MTX3: variants seen among roughly 807,000 people sequenced by gnomAD.
The protein encoded by MTX3 is metaxin-3.
In MTX3, 27 loss-of-function variants were observed where a neutral mutation model predicts 42.5. That is an observed-to-expected ratio of 0.64 (90% CI 0.47 to 0.88). The LOEUF is 0.88. MTX3 is among the 40% of genes least tolerant of loss of function. MTX3 has a pLI of 0.00. For synonymous variants in MTX3, 144 were observed against 132.9 expected (o/e 1.08, Z -0.57); for missense variants, 378 against 367.0 (o/e 1.03, Z -0.25).
rs1195200362 is a variant in MTX3, at chr5:79,977,755, T to C, written c.*5929A>G. The C allele has an allele frequency of 6.6e-6, 1 of 152,240 alleles. No individual in the cohort carries two copies. Among genetic ancestry groups the C allele is most frequent in the Non-Finnish European group, 1.5e-5 (1 of 68,042 alleles). 9.4% of individuals were successfully genotyped at this position (152,240 alleles called of 1,614,324 possible). A position where few individuals can be genotyped will look rare whatever the true frequency, so the allele number is the denominator to read the frequency against. ...ATGAACCGTAGACTGTCTTCGGTAA[T>C]GAACAAAACTGGAAAATATTAAACT... On this transcript the variant is annotated 3_prime_UTR_variant, in exon 9 of 9. Transcript: ENST00000512528.
rs1425084641 is a variant in MTX3, at chr5:79,977,097, C to T, written c.*6587G>A. ...CAGAACAGTAACATGACATTACAAA[C>T]ACCTCAAATTCCCACTTCAAAATGA... On this transcript the variant is annotated 3_prime_UTR_variant, in exon 9 of 9. Coordinates refer to ENST00000512528, the MANE Select transcript of MTX3 (RefSeq NM_001363818.2). 3.9e-5 allele frequency: 6 copies of T among 152,184 alleles called. No homozygotes were observed. Among genetic ancestry groups the T allele is most frequent in the African/African-American group, 1.2e-4 (5 of 41,444 alleles). 9.4% of individuals were successfully genotyped at this position (152,184 alleles called of 1,614,324 possible).
At chr5:79,991,009 T>G in intron 1 of MTX3, 149 bp downstream of exon 1, 1 of 869,140 alleles carries the variant, frequency 1.2e-6, no homozygotes, top group Non-Finnish European at 1.9e-6. Context: ...AGGTTGGGAC[T>G]CGTCGGTGGG....
At position 79,991,253 on chromosome 5, in the gene MTX3, C is replaced by A; in HGVS notation, c.-15G>T. ...GGGGCCGCCATCTTGCGCGGGCCGA[C>A]CTTTACTATCCCGGAAGTACTTTTC... On this transcript the variant is annotated 5_prime_UTR_variant, in exon 1 of 9. Transcript: ENST00000512528. 6.9e-7 allele frequency: 1 copy of A among 1,443,648 alleles called. No homozygotes were observed. Among genetic ancestry groups the A allele is most frequent in the Non-Finnish European group, 9.1e-7 (1 of 1,095,314 alleles). The allele number at this position is 1,443,648 out of a possible 1,614,324, so 89.4% of individuals were successfully genotyped here. A position where few individuals can be genotyped will look rare whatever the true frequency, so the allele number is the denominator to read the frequency against.
In MTX3 at chr5:79,979,668, A is replaced by G. The variant is rs975227335; in HGVS notation, c.*4016T>C. The G allele has an allele frequency of 2.6e-5, 4 of 152,110 alleles. No individual in the cohort carries two copies. Among genetic ancestry groups the G allele is most frequent in the African/African-American group, 9.7e-5 (4 of 41,436 alleles). The allele number at this position is 152,110 out of a possible 1,614,324, so 9.4% of individuals were successfully genotyped here. A position where few individuals can be genotyped will look rare whatever the true frequency, so the allele number is the denominator to read the frequency against. Reference sequence around the variant, plus strand: ...CAAAATATTTTATCCTCAGAAGTAAACCCCACTACCATAGAAAGAAAAAAA... The same window carrying G: ...CAAAATATTTTATCCTCAGAAGTAAGCCCCACTACCATAGAAAGAAAAAAA... On this transcript the variant is annotated 3_prime_UTR_variant, in exon 9 of 9. Transcript: ENST00000512528.
rs970643222 is a variant in MTX3, at chr5:79,986,957, A to G, written c.732T>C (p.Ser244=). The change falls in exon 7 of 9, where the codon AGT becomes AGC. Residue 244 remains serine, a synonymous_variant. Transcript: ENST00000512528. The stretch of plus-strand genomic sequence containing the variant: ...GAAAAAGAGCCAGCTTACCTCCAAG[A>G]CTAAGCCTAAAATAACTGCTCAGGA... ...DDILSSYFRL[S]LGGISPAGQE... 7.4e-6 allele frequency: 12 copies of G among 1,613,672 alleles called. No homozygotes were observed. In the African/African-American group the frequency reaches 1.2e-4, roughly 16 times the overall value.
intron 8 of MTX3, among the ~76,000 whole-genome samples, chr5:79,984,597 A>G (rs1831446953): frequency 6.6e-6 from 1 of 152,026 alleles, no homozygotes; most frequent in Non-Finnish European, 1.5e-5. Flanking sequence ...AGTTTGTAAA[A>G]TAGTAAGTAT....
In MTX3 at chr5:79,988,506, T is replaced by C; in HGVS notation, c.460A>G (p.Arg154Gly). 5 of 1,612,972 alleles carry C rather than the reference T, an allele frequency of 3.1e-6. No homozygotes were observed. The highest frequency in any genetic ancestry group is 2.5e-6 in the Non-Finnish European group (3 of 1,179,642). Residue 154 changes from arginine (R) to glycine (G), a missense_variant, in exon 5 of 9, where the codon AGA (arginine) becomes GGA (glycine). By Grantham distance (125) the Arg-to-Gly change is moderately radical. Coordinates refer to ENST00000512528, the MANE Select transcript of MTX3 (RefSeq NM_001363818.2). Reference protein sequence around the residue: ...KGALNRILLTRGQPPLYHLRE... With the variant: ...KGALNRILLTGGQPPLYHLRE... ...AGGTGGTAGAGGGGAGGCTGTCCTCTGGTCAGGAGAATCCTATTCAGTGCT... is the reference window on the plus strand; with the variant it reads ...AGGTGGTAGAGGGGAGGCTGTCCTCCGGTCAGGAGAATCCTATTCAGTGCT...
Position 79,988,527 on chromosome 5 carries a change from G to A in MTX3, c.439C>T (p.Leu147=). ...ILPGRMSKGA[L]NRILLTRGQP... is the part of the protein sequence containing the mutation. ...CCTCTGGTCAGGAGAATCCTATTCA[G>A]TGCTCCCTTAGACATTCTTCCAGGC... is the stretch of plus-strand genomic sequence containing the variant. Residue 147 remains leucine, a synonymous_variant, in exon 5 of 9, where the codon CTG becomes TTG. Transcript: ENST00000512528. 6.2e-7 allele frequency: 1 copy of A among 1,613,008 alleles called. No homozygotes were observed.
At chr5:79,987,232 G>C in intron 6 of MTX3, 125 bp from the exon 7 acceptor site, 1 of 730,840 alleles carries the variant, frequency 1.4e-6, no homozygotes, top group Non-Finnish European at 2.2e-6. Flanking sequence ...CTTGAGGTCA[G>C]GAGTTCCAGA....
Position 79,988,656 on chromosome 5 carries a change from G to C in MTX3, c.322-12C>G. ...CAGAATGTGTGAAGCTGCAAAAGAA[G>C]AGAAAAAACACTACAAGGATGTTCT... On this transcript the variant is annotated splice_polypyrimidine_tract_variant and intron_variant, in intron 4 of 8. Transcript: ENST00000512528. 1 of 1,550,650 alleles carries C rather than the reference G, an allele frequency of 6.4e-7. No homozygotes were observed. Among genetic ancestry groups the C allele is most frequent in the Non-Finnish European group, 8.7e-7 (1 of 1,149,028 alleles).
chr5:79,987,060 TA>T lies in MTX3; in HGVS notation c.628del (p.Tyr210ThrfsTer14), dbSNP rs762261726. 7.4e-6 allele frequency: 12 copies of T among 1,613,774 alleles called. No individual in the cohort carries two copies. The African/African-American group carries it at 1.6e-4, about 22-fold the overall frequency. On this transcript the variant is annotated frameshift_variant, in exon 7 of 9. Coordinates refer to ENST00000512528, the MANE Select transcript of MTX3 (RefSeq NM_001363818.2). LOFTEE classifies it high-confidence loss of function. ...AYVFGFLAPL[Y>X]KVRFPKVQLQ... The stretch of plus-strand genomic sequence containing the variant: ...CTGAACTTTAGGAAACCGTACTTTG[TA>T]AAGAGGTGCAAGAAAACCAAAAACA...
chr5:79,986,588 AT>A (rs1217771668), intron 7 of MTX3: 1 of 366,322 alleles, frequency 2.7e-6, no homozygotes, highest in Non-Finnish European at 5.3e-6. Flanking sequence ...GGTAAAAATC[AT>A]TTAAAGTAAT....
chr5:79,990,494 G>A, intron 2 of MTX3, 100 bp downstream of exon 2: 1 of 823,046 alleles, frequency 1.2e-6, no homozygotes, highest in Non-Finnish European at 1.9e-6. Context: ...GTCACGGTAA[G>A]AAACTAAATC....
At chr5:79,989,464 A>G (rs184420446) in intron 3 of MTX3, among the ~76,000 whole-genome samples, 12 of 152,326 alleles carry the variant, frequency 7.9e-5, no homozygotes, top group East Asian at 7.7e-4. Context: ...ATGTTACAAT[A>G]TTAACTACTA....
Position 79,983,558 on chromosome 5 carries a change from G to T in MTX3, c.*126C>A. ...AATAATAGTAAAAATAGATGGCATA[G>T]AAAGTTCCTTTTGGTTTAGAGTCTT... is the stretch of plus-strand genomic sequence containing the variant. On this transcript the variant is annotated 3_prime_UTR_variant, in exon 9 of 9. Coordinates refer to ENST00000512528, the MANE Select transcript of MTX3 (RefSeq NM_001363818.2). The T allele has an allele frequency of 1.5e-6, 1 of 688,080 alleles. No homozygotes were observed. 42.6% of individuals were successfully genotyped at this position (688,080 alleles called of 1,614,324 possible).
Position 79,991,230 on chromosome 5 carries a change from G to A in MTX3, c.9C>T (p.Ala3=). 1.4e-6 allele frequency: 2 copies of A among 1,456,714 alleles called. No individual in the cohort carries two copies. The highest frequency in any genetic ancestry group is 9.1e-7 in the Non-Finnish European group (1 of 1,100,800). The allele number at this position is 1,456,714 out of a possible 1,614,324, so 90.2% of individuals were successfully genotyped here. Residue 3 remains alanine (A), a synonymous_variant, in exon 1 of 9, where the codon GCC becomes GCT. Transcript: ENST00000512528. ...CTCCCCAGCAACTGAGTTCCAAGGG[G>A]GCCGCCATCTTGCGCGGGCCGACCT... is the stretch of plus-strand genomic sequence containing the variant. MA[A]PLELSCWGGG... is the part of the protein sequence containing the mutation.
chr5:79,976,910 T>C lies in MTX3; in HGVS notation c.*6774A>G, dbSNP rs1831264571. The C allele has an allele frequency of 6.6e-6, 1 of 152,666 alleles. No homozygotes were observed. The highest frequency in any genetic ancestry group is 2.4e-5 in the African/African-American group (1 of 41,468). 9.5% of individuals were successfully genotyped at this position (152,666 alleles called of 1,614,324 possible). A position where few individuals can be genotyped will look rare whatever the true frequency, so the allele number is the denominator to read the frequency against. Reference sequence around the variant, plus strand: ...TAGAATATTGAAATTATGGCCAACATTGCTTACTTTAAGATTGTTTACTTT... The same window carrying C: ...TAGAATATTGAAATTATGGCCAACACTGCTTACTTTAAGATTGTTTACTTT... On this transcript the variant is annotated 3_prime_UTR_variant, in exon 9 of 9. Transcript: ENST00000512528.
intron 1 of MTX3, 53 bp downstream of exon 1, chr5:79,991,105 C>T (rs1410238622): frequency 8.0e-6 from 12 of 1,496,884 alleles, no homozygotes; most frequent in South Asian, 1.2e-5. Flanking sequence ...GTCAGCCTGG[C>T]GCCTCCAGCC....
At position 79,988,505 on chromosome 5, in the gene MTX3, C is replaced by T. The variant is rs774155726; in HGVS notation, c.461G>A (p.Arg154Lys). Reference sequence around the variant, plus strand: ...GAGGTGGTAGAGGGGAGGCTGTCCTCTGGTCAGGAGAATCCTATTCAGTGC... The same window carrying T: ...GAGGTGGTAGAGGGGAGGCTGTCCTTTGGTCAGGAGAATCCTATTCAGTGC... ...KGALNRILLT[R>K]GQPPLYHLRE... The change falls in exon 5 of 9, where the codon AGA becomes AAA. Residue 154 changes from arginine (R) to lysine (K), a missense_variant. By Grantham distance (26) the Arg-to-Lys change is conservative (BLOSUM62 2). Coordinates refer to ENST00000512528, the MANE Select transcript of MTX3 (RefSeq NM_001363818.2). 5 of 1,612,912 alleles carry T rather than the reference C, an allele frequency of 3.1e-6. No individual in the cohort carries two copies. The highest frequency in any genetic ancestry group is 4.2e-6 in the Non-Finnish European group (5 of 1,179,632).
Sources: gnomAD v4.1 joint callset for allele counts (sites outside exome capture counted in the v4.1 genomes callset) on GRCh38, gnomAD v4.1.1 for gene constraint, MANE v1.5 for transcripts, NCBI Gene and HGNC (gene_info 2026-07-23, HGNC 2026-07-21) for gene names.